CIP2A: variants seen among roughly 807,000 people sequenced by gnomAD.
CIP2A encodes the protein cellular inhibitor of PP2A.
Under a neutral mutation model 110.9 loss-of-function variants are expected in CIP2A, and 103 were observed. That is an observed-to-expected ratio of 0.93 (90% confidence interval 0.79 to 1.09). The LOEUF is 1.09. CIP2A is among the 50% of genes least tolerant of loss of function. The pLI is 0.00. For missense variants in CIP2A, 1,088 were observed against 1,038.4 expected (o/e 1.05, Z -0.66); for synonymous variants, 381 against 361.6 (o/e 1.05, Z -0.61).
chr3:108,558,754 C>G (rs1247154071), intron 16 of CIP2A, among the ~76,000 whole-genome samples: 1 of 152,024 alleles, frequency 6.6e-6, no homozygotes, highest in Non-Finnish European at 1.5e-5. Flanking sequence ...AAATGGTGTT[C>G]CAGACATGGA....
chr3:108,553,121 G>GTTTTT, intron 19 of CIP2A, among the ~76,000 whole-genome samples: 1 of 67,170 alleles, frequency 1.5e-5, no homozygotes, highest in South Asian at 6.8e-4. Flanking sequence ...CTTTCCTTTT[G>GTTTTT]TTTTTTTTTT....
At chr3:108,582,949 G>C in intron 3 of CIP2A, 28 bp downstream of exon 3, 6 of 1,370,048 alleles carry the variant, frequency 4.4e-6, no homozygotes, top group Non-Finnish European at 6.2e-6. Context: ...AGTAAGGAAA[G>C]GGGAATACAC....
intron 2 of CIP2A, among the ~76,000 whole-genome samples, chr3:108,584,353 G>C (rs1333572115): frequency 6.6e-6 from 1 of 152,180 alleles, no homozygotes; most frequent in Admixed American, 6.5e-5. Context: ...TTTTGTTACA[G>C]CACAGAAAAA....
In CIP2A at chr3:108,550,722, T is replaced by G. The variant is rs1438401682; in HGVS notation, c.*427A>C. The G allele has an allele frequency of 6.6e-6, 1 of 151,948 alleles. No individual in the cohort carries two copies. Among genetic ancestry groups the G allele is most frequent in the East Asian group, 1.9e-4 (1 of 5,202 alleles). 9.4% of individuals were successfully genotyped at this position (151,948 alleles called of 1,614,324 possible). A position where few individuals can be genotyped will look rare whatever the true frequency, so the allele number is the denominator to read the frequency against. ...CCTTCTCTCTTTTTACTTTACTTTTTACTTTTACTCTCTCTATATTTTTAT... is the reference window on the plus strand; with the variant it reads ...CCTTCTCTCTTTTTACTTTACTTTTGACTTTTACTCTCTCTATATTTTTAT... On this transcript the variant is annotated 3_prime_UTR_variant, in exon 21 of 21. Transcript: ENST00000295746.
intron 2 of CIP2A, 33 bp from the exon 3 acceptor site, chr3:108,583,116 A>G: frequency 8.3e-7 from 1 of 1,203,790 alleles, no homozygotes; most frequent in East Asian, 2.6e-5. Flanking sequence ...AAAATATATC[A>G]TTTTCTTACA....
At chr3:108,575,427 TAC>T (rs1938555172) in intron 8 of CIP2A, among the ~76,000 whole-genome samples, 1 of 141,912 alleles carries the variant, frequency 7.0e-6, no homozygotes, top group Non-Finnish European at 1.6e-5. Context: ...TATACATGTA[TAC>T]ATACACATAC....
rs766060866 is a variant in CIP2A at position 108,559,856 on chromosome 3, G to A, written c.1914C>T (p.Ser638=). 18 of 1,605,836 alleles carry A rather than the reference G, an allele frequency of 1.1e-5. No homozygotes were observed. The highest frequency in any genetic ancestry group is 4.3e-6 in the Non-Finnish European group (5 of 1,174,132). ...MKLSTLASKE[S]RLQDLLETKA... ...TTGTTTCCAAAAGATCTTGTAGCCT[G>A]CTTTCTTTGGACTACAAGAAAACAT... is the stretch of plus-strand genomic sequence containing the variant. Residue 638 remains serine (S), a synonymous_variant, in exon 16 of 21, where the codon AGC becomes AGT. Coordinates refer to ENST00000295746, the MANE Select transcript of CIP2A (RefSeq NM_020890.3).
intron 13 of CIP2A, 65 bp from the exon 14 acceptor site, chr3:108,560,906 G>A (rs1047331045): frequency 2.7e-5 from 30 of 1,120,454 alleles, no homozygotes; most frequent in Admixed American, 5.3e-5. Flanking sequence ...CAGACTTAGT[G>A]CAGAATTAGG....
chr3:108,579,393 G>A lies in CIP2A; in HGVS notation c.706C>T (p.Gln236Ter). The change falls in exon 7 of 21, where the codon CAA (glutamine) becomes TAA (stop). Residue 236 changes from glutamine (Q) to a stop codon, truncating the protein, a stop_gained. Coordinates refer to ENST00000295746, the MANE Select transcript of CIP2A (RefSeq NM_020890.3). LOFTEE classifies it high-confidence loss of function. The part of the protein sequence containing the change: ...FHARNIHQTF[Q>*]LIFNILINGD... ...TTTATGAGAATATTAAATATTAGTT[G>A]AAAAGTCTGATGAATGTTTCGAGCA... 1.9e-6 allele frequency: 3 copies of A among 1,608,422 alleles called. No individual in the cohort carries two copies. Among genetic ancestry groups the A allele is most frequent in the Non-Finnish European group, 2.6e-6 (3 of 1,175,704 alleles).
At chr3:108,565,256 G>C (rs1367518367) in intron 12 of CIP2A, 99 bp downstream of exon 12, 1 of 635,716 alleles carries the variant, frequency 1.6e-6, no homozygotes, top group African/African-American at 1.9e-5. Context: ...CCAATTCTAA[G>C]AGAATTATCT....
chr3:108,562,314 T>C (rs993181309), intron 13 of CIP2A, among the ~76,000 whole-genome samples: 2 of 152,152 alleles, frequency 1.3e-5, no homozygotes, highest in African/African-American at 4.8e-5. Context: ...TCTGCTTTTA[T>C]AGAGTGAAAG....
intron 3 of CIP2A, 68 bp downstream of exon 3, chr3:108,582,909 T>C: frequency 2.2e-6 from 2 of 917,204 alleles, no homozygotes. Flanking sequence ...GTCAGCAGTT[T>C]ATGACAGAAA....
intron 7 of CIP2A, among the ~76,000 whole-genome samples, chr3:108,576,981 G>A (rs1000391123): frequency 2.0e-5 from 3 of 152,046 alleles, no homozygotes; most frequent in African/African-American, 7.2e-5. Flanking sequence ...AGACACTATG[G>A]AACAAAGAAT....
chr3:108,586,897 G>A (rs1265597170), intron 1 of CIP2A, among the ~76,000 whole-genome samples: 1 of 152,168 alleles, frequency 6.6e-6, no homozygotes, highest in South Asian at 2.1e-4. Flanking sequence ...AAGTACAGAA[G>A]AATGAATAAT....
chr3:108,553,582 A>C, intron 19 of CIP2A, 66 bp downstream of exon 19: 1 of 1,380,928 alleles, frequency 7.2e-7, no homozygotes, highest in Non-Finnish European at 9.8e-7. Flanking sequence ...AAGCAAACAA[A>C]ACCACTCATG....
rs988817417 is a variant in CIP2A at position 108,582,755 on chromosome 3, T to C, written c.357+222A>G. 8.5e-5 allele frequency among the ~76,000 whole-genome samples: 13 copies of C among 152,362 alleles called. 1 individual carries two copies. Among genetic ancestry groups the C allele is most frequent in the Admixed American group, 6.5e-4 (10 of 15,308 alleles). Reference sequence around the variant, plus strand: ...AAGTCAAAGCAGTTATAATGTAGATTTGTTTTTCTTCAATAGTGGTGATAG... The same window carrying C: ...AAGTCAAAGCAGTTATAATGTAGATCTGTTTTTCTTCAATAGTGGTGATAG... On this transcript the variant is annotated intron_variant, in intron 3 of 20. Transcript: ENST00000295746.
chr3:108,579,768 G>C, intron 5 of CIP2A, 80 bp from the exon 6 acceptor site: 2 of 764,186 alleles, frequency 2.6e-6, no homozygotes, highest in Non-Finnish European at 3.8e-6. Flanking sequence ...TGCACAGAGT[G>C]GGCAAACTTT....
chr3:108,582,330 TGTAAA>T (rs1337270521), intron 3 of CIP2A, 128 bp from the exon 4 acceptor site: 5 of 431,656 alleles, frequency 1.2e-5, no homozygotes, highest in Non-Finnish European at 2.1e-5. Context: ...AAAAAACACA[TGTAAA>T]GTAATGTAAG....
rs1282160579 is a variant in CIP2A, at chr3:108,552,385, A to C, written c.2408-12T>G. On this transcript the variant is annotated splice_polypyrimidine_tract_variant and intron_variant, in intron 19 of 20. Coordinates refer to ENST00000295746, the MANE Select transcript of CIP2A (RefSeq NM_020890.3). The stretch of plus-strand genomic sequence containing the variant: ...TTTTTGATGCAAATCTTAAAAGAAA[A>C]AAAAGTCAAGTATTATACTCAGAGG... 1.3e-6 allele frequency: 2 copies of C among 1,495,834 alleles called. No homozygotes were observed. Among genetic ancestry groups the C allele is most frequent in the African/African-American group, 2.9e-5 (2 of 69,800 alleles). The allele number at this position is 1,495,834 out of a possible 1,614,324, so 92.7% of individuals were successfully genotyped here.
Sources: allele counts gnomAD v4.1 joint callset (sites outside exome capture counted in the v4.1 genomes callset), GRCh38; gene constraint gnomAD v4.1.1; transcripts MANE v1.5; gene names NCBI Gene and HGNC (gene_info 2026-07-23, HGNC 2026-07-21).